The following DLG2 variants were observed in gnomAD, a reference collection of about 807,000 sequenced individuals.
DLG2 encodes discs large MAGUK scaffold protein 2.
A neutral mutation model predicts 132.5 loss-of-function variants in DLG2; 45 were observed. The ratio of observed to expected loss-of-function variants is 0.34; its 90% confidence interval spans 0.27 to 0.44. DLG2 has a LOEUF of 0.44. DLG2 is among the 20% of genes least tolerant of loss of function. The pLI, the probability that DLG2 is intolerant of heterozygous loss-of-function variation, is 1.00. For missense variants in DLG2, 1,045 were observed against 1,196.9 expected (o/e 0.87, Z 1.87); for synonymous variants, 424 against 419.6 (o/e 1.01, Z -0.13).
intron 6 of DLG2, among the ~76,000 whole-genome samples, chr11:84,978,174 T>G (rs937732626): frequency 4.6e-5 from 7 of 152,130 alleles, no homozygotes; most frequent in African/African-American, 1.4e-4. Context: ...TTTAGAAAGA[T>G]TTCCAGAGAA....
At chr11:85,205,947 T>C (rs2081857817) in intron 4 of DLG2, among the ~76,000 whole-genome samples, 1 of 152,164 alleles carries the variant, frequency 6.6e-6, no homozygotes, top group Non-Finnish European at 1.5e-5. Flanking sequence ...TATATAGCAT[T>C]ATATGGTTTG....
At chr11:84,278,971 G>T (rs1480053251) in intron 7 of DLG2, among the ~76,000 whole-genome samples, 1 of 152,048 alleles carries the variant, frequency 6.6e-6, no homozygotes, top group Non-Finnish European at 1.5e-5. Context: ...ATAGACAAAT[G>T]GGATCTAACT....
intron 16 of DLG2, among the ~76,000 whole-genome samples, chr11:83,849,645 G>A (rs1215341352): frequency 1.3e-5 from 2 of 152,034 alleles, no homozygotes; most frequent in African/African-American, 4.8e-5. Context: ...GGAAAACATG[G>A]CCAGAATTAT....
intron 3 of DLG2, among the ~76,000 whole-genome samples, chr11:85,486,410 G>C (rs1457653217): frequency 6.6e-6 from 1 of 152,170 alleles, no homozygotes; most frequent in Non-Finnish European, 1.5e-5. Context: ...AAATCACCCT[G>C]CCTCTGCCTA....
At chr11:85,152,229 GTTAT>G (rs1041836452) in intron 5 of DLG2, among the ~76,000 whole-genome samples, 15 of 151,234 alleles carry the variant, frequency 9.9e-5, no homozygotes, top group African/African-American at 3.2e-4. Flanking sequence ...GAACTCATAA[GTTAT>G]TTATTTATTA....
intron 2 of DLG2, among the ~76,000 whole-genome samples, chr11:85,620,293 C>A (rs1388386853): frequency 6.6e-6 from 1 of 152,218 alleles, no homozygotes; most frequent in Non-Finnish European, 1.5e-5. Flanking sequence ...ACCAACTGGT[C>A]ATTGCCCCAT....
At chr11:85,621,217 G>GA (rs35568778) in intron 2 of DLG2, among the ~76,000 whole-genome samples, 1,451 of 141,140 alleles carry the variant, frequency 0.01, 22 homozygotes, top group African/African-American at 0.03. Flanking sequence ...CTACTACTCA[G>GA]AAAAAAAAAA....
chr11:85,573,650 T>C (rs2077978034), intron 3 of DLG2, among the ~76,000 whole-genome samples: 1 of 152,186 alleles, frequency 6.6e-6, no homozygotes, highest in Admixed American at 6.6e-5. Context: ...TCCTGTAGTT[T>C]CTGTCAACTA....
intron 6 of DLG2, among the ~76,000 whole-genome samples, chr11:84,708,605 C>T (rs899561228): frequency 6.6e-6 from 1 of 151,724 alleles, no homozygotes; most frequent in Non-Finnish European, 1.5e-5. Context: ...GATGCTTGCT[C>T]TCCCTTCAGC....
chr11:85,470,848 T>G (rs1335095231), intron 3 of DLG2, among the ~76,000 whole-genome samples: 2 of 152,188 alleles, frequency 1.3e-5, no homozygotes. Context: ...GAATAGACAG[T>G]GAGAGGACTT....
At chr11:85,260,617 A>G (rs1202007718) in intron 4 of DLG2, among the ~76,000 whole-genome samples, 1 of 152,256 alleles carries the variant, frequency 6.6e-6, no homozygotes, top group Non-Finnish European at 1.5e-5. Context: ...TCTGCCAGAT[A>G]AAAATAAACA....
At chr11:84,006,985 T>C (rs2094601986) in intron 11 of DLG2, among the ~76,000 whole-genome samples, 1 of 151,668 alleles carries the variant, frequency 6.6e-6, no homozygotes, top group Non-Finnish European at 1.5e-5. Context: ...AATTTAAAAA[T>C]TTATAAACAT....
intron 6 of DLG2, among the ~76,000 whole-genome samples, chr11:84,933,305 C>T (rs1418448595): frequency 1.3e-5 from 2 of 152,106 alleles, no homozygotes; most frequent in East Asian, 1.9e-4. Context: ...TAGTGAGTTG[C>T]CTCCAGCTCT....
At chr11:85,600,856 C>A (rs2080104158) in intron 2 of DLG2, among the ~76,000 whole-genome samples, 1 of 152,196 alleles carries the variant, frequency 6.6e-6, no homozygotes, top group South Asian at 2.1e-4. Flanking sequence ...ATGCTTTTAA[C>A]TTGCGCTTAA....
chr11:84,814,253 A>C (rs533536716), intron 6 of DLG2, among the ~76,000 whole-genome samples: 2 of 152,208 alleles, frequency 1.3e-5, no homozygotes, highest in Admixed American at 1.3e-4. Flanking sequence ...CACGTTGAGC[A>C]GTGGATGAGC....
intron 21 of DLG2, among the ~76,000 whole-genome samples, chr11:83,500,274 G>A (rs1386094541): frequency 1.3e-5 from 2 of 151,854 alleles, no homozygotes; most frequent in African/African-American, 4.8e-5. Context: ...TATCTAGGAC[G>A]GAGGATCCTA....
At chr11:85,180,614 T>C (rs1034484173) in intron 4 of DLG2, among the ~76,000 whole-genome samples, 2 of 151,834 alleles carry the variant, frequency 1.3e-5, no homozygotes, top group African/African-American at 4.8e-5. Flanking sequence ...AATTGTGGCT[T>C]CAAAAGAAAC....
intron 6 of DLG2, among the ~76,000 whole-genome samples, chr11:84,778,240 G>T (rs901042448): frequency 3.3e-5 from 5 of 152,032 alleles, no homozygotes; most frequent in Non-Finnish European, 7.4e-5. Flanking sequence ...TTCTTGTCAG[G>T]TCTATCAAAG....
chr11:84,722,190 G>A (rs2061914326), intron 6 of DLG2, among the ~76,000 whole-genome samples: 1 of 152,164 alleles, frequency 6.6e-6, no homozygotes, highest in Non-Finnish European at 1.5e-5. Context: ...ACATTTACAT[G>A]AATGTGGTAA....
Sources: allele counts gnomAD v4.1 joint callset (sites outside exome capture counted in the v4.1 genomes callset), GRCh38; gene constraint gnomAD v4.1.1; transcripts MANE v1.5; gene names NCBI Gene and HGNC (gene_info 2026-07-23, HGNC 2026-07-21).